MBD5: variants seen among roughly 807,000 people sequenced by gnomAD.
MBD5 encodes methyl-CpG-binding domain protein 5.
Under a neutral mutation model 117.3 loss-of-function variants are expected in MBD5, and 13 were observed. The observed-to-expected ratio is 0.11, with a 90% confidence interval of 0.07 to 0.18. The LOEUF (loss-of-function observed/expected upper bound fraction) is 0.18, where lower values mean the gene tolerates loss of function less well. Ranked by LOEUF, MBD5 falls within the 10% of genes least tolerant of loss-of-function variation. The probability of loss-of-function intolerance (pLI) is 1.00; values close to 1 mark genes in which losing one functional copy is unlikely to be tolerated. For synonymous variants in MBD5, 727 were observed against 766.4 expected, an observed-to-expected ratio of 0.95 and a Z score of 0.85; for missense variants, 1,879 against 2,093.8, an observed-to-expected ratio of 0.90 and a Z score of 2.00.
At chr2:148,209,651 A>G (rs1699372893) in intron 2 of MBD5, among the ~76,000 whole-genome samples, 1 of 151,952 alleles carries the variant, frequency 6.6e-6, no homozygotes, top group Admixed American at 6.6e-5. Flanking sequence ...TAAAGGAAAA[A>G]GATTTAATTG....
chr2:148,064,260 T>G (rs1447007168), intron 1 of MBD5, among the ~76,000 whole-genome samples: 3 of 151,234 alleles, frequency 2.0e-5, no homozygotes, highest in African/African-American at 7.3e-5. Context: ...GGACCACAGG[T>G]GCCCGCCACC....
In MBD5 at chr2:148,271,932, G is replaced by A. The variant is rs534550306; in HGVS notation, c.-680+38537G>A. Among the ~76,000 whole-genome samples, 6 of 152,160 alleles carry A rather than the reference G, an allele frequency of 3.9e-5. No individual in the cohort carries two copies. The East Asian group carries it at 5.8e-4, about 15-fold the overall frequency. On this transcript the variant is annotated intron_variant, in intron 3 of 13. Transcript: ENST00000642680. ...TGAAATTCTGTACCCATCGACCAGC[G>A]TCTGCCCCATCCCTTCCTCCCCTCC... is the stretch of plus-strand genomic sequence containing the variant.
intron 3 of MBD5, among the ~76,000 whole-genome samples, chr2:148,335,410 A>G (rs1702760042): frequency 6.6e-6 from 1 of 152,122 alleles, no homozygotes; most frequent in South Asian, 2.1e-4. Flanking sequence ...TTTAAAAGCT[A>G]GGCAACATAG....
intron 13 of MBD5, chr2:148,512,337 A>G (rs940220204): frequency 1.1e-5 from 2 of 178,230 alleles, no homozygotes; most frequent in African/African-American, 4.8e-5. Flanking sequence ...TCTCTTTTCC[A>G]TTTTGATTCT....
intron 3 of MBD5, among the ~76,000 whole-genome samples, chr2:148,267,211 T>G (rs764871461): frequency 2.0e-5 from 3 of 151,914 alleles, no homozygotes; most frequent in Admixed American, 6.6e-5. Flanking sequence ...AGTAGACAGA[T>G]AAAAAAAGAA....
intron 4 of MBD5, among the ~76,000 whole-genome samples, chr2:148,427,315 G>A (rs1356304177): frequency 6.6e-6 from 1 of 152,152 alleles, no homozygotes; most frequent in Non-Finnish European, 1.5e-5. Context: ...TATACCCAAA[G>A]GATTATAAAT....
intron 1 of MBD5, among the ~76,000 whole-genome samples, chr2:148,151,064 T>A (rs1301704852): frequency 1.4e-5 from 2 of 147,864 alleles, no homozygotes; most frequent in Non-Finnish European, 3.0e-5. Flanking sequence ...TTCAGTATGA[T>A]ATTGGCTGTG....
intron 4 of MBD5, among the ~76,000 whole-genome samples, chr2:148,452,651 A>C (rs1307089476): frequency 6.6e-6 from 1 of 152,228 alleles, no homozygotes; most frequent in Non-Finnish European, 1.5e-5. Context: ...TTTAATTTTT[A>C]TATTGCTACA....
chr2:148,470,174 T>G lies in MBD5; in HGVS notation c.2231T>G (p.Met744Arg), dbSNP rs1334734679. The G allele has an allele frequency of 6.2e-7, 1 of 1,613,996 alleles. No homozygotes were observed. The highest frequency in any genetic ancestry group is 8.5e-7 in the Non-Finnish European group (1 of 1,179,914). ...CAGCTGCATTTTACAGATCCCAGTA[T>G]GAACTCTAGTGTTCTTCAGAACATA... Reference protein sequence around the residue: ...ANQLHFTDPSMNSSVLQNIPL... With the variant: ...ANQLHFTDPSRNSSVLQNIPL... The change falls in exon 8 of 14, where the codon ATG becomes AGG. Residue 744 changes from methionine to arginine, a missense_variant. Physicochemically the swap from Met to Arg is moderately conservative, Grantham distance 91. Around this residue, in one of 4 missense-constraint regions of MBD5, gnomAD observed 1,666 missense variants for 1,792.2 expected, o/e 0.93. Transcript: ENST00000642680.
At chr2:148,446,124 C>G (rs1256015876) in intron 4 of MBD5, among the ~76,000 whole-genome samples, 1 of 151,080 alleles carries the variant, frequency 6.6e-6, no homozygotes, top group East Asian at 1.9e-4. Flanking sequence ...TGTGCACAAG[C>G]TCTTTAGTTT....
intron 1 of MBD5, among the ~76,000 whole-genome samples, chr2:148,090,868 G>A (rs1695924236): frequency 6.6e-6 from 1 of 151,872 alleles, no homozygotes; most frequent in Non-Finnish European, 1.5e-5. Flanking sequence ...GAAATAAAGG[G>A]CATCCAAGAG....
intron 4 of MBD5, among the ~76,000 whole-genome samples, chr2:148,370,108 T>G (rs892239037): frequency 6.6e-6 from 1 of 152,180 alleles, no homozygotes; most frequent in Non-Finnish European, 1.5e-5. Context: ...CATATTAAAT[T>G]GAGAAACATG....
At chr2:148,452,929 A>G (rs1706771866) in intron 4 of MBD5, among the ~76,000 whole-genome samples, 1 of 152,190 alleles carries the variant, frequency 6.6e-6, no homozygotes, top group Non-Finnish European at 1.5e-5. Context: ...CATTTTAGAC[A>G]TGTGTTGCTA....
chr2:148,098,762 G>C (rs1259762950), intron 1 of MBD5, among the ~76,000 whole-genome samples: 1 of 152,040 alleles, frequency 6.6e-6, no homozygotes, highest in African/African-American at 2.4e-5. Flanking sequence ...GGAAGAAGAC[G>C]AAGAGAGGCC....
At chr2:148,327,413 A>T (rs550344420) in intron 3 of MBD5, among the ~76,000 whole-genome samples, 3 of 152,198 alleles carry the variant, frequency 2.0e-5, no homozygotes, top group African/African-American at 7.2e-5. Context: ...GTTCTCCTGG[A>T]TAATATCCTT....
chr2:148,348,328 C>G (rs970465170), intron 4 of MBD5, among the ~76,000 whole-genome samples: 2 of 152,006 alleles, frequency 1.3e-5, no homozygotes, highest in African/African-American at 4.8e-5. Flanking sequence ...ACAATTCCTC[C>G]CTCTTGCAAG....
chr2:148,112,312 A>C (rs1402158591), intron 1 of MBD5, among the ~76,000 whole-genome samples: 1 of 152,202 alleles, frequency 6.6e-6, no homozygotes, highest in Non-Finnish European at 1.5e-5. Context: ...CTATTTCCCA[A>C]GGAATCTCCT....
rs1448127351 is a variant in MBD5 at position 148,021,513 on chromosome 2, A to ACTGCTGCTGCTACTG, written c.-1085_-1084insACTGCTGCTGCTGCT. The ACTGCTGCTGCTACTG allele has an allele frequency of 3.5e-6, 2 of 567,594 alleles. No individual in the cohort carries two copies. The highest frequency in any genetic ancestry group is 4.6e-5 in the East Asian group (1 of 21,952). 35.2% of individuals were successfully genotyped at this position (567,594 alleles called of 1,614,324 possible). A position where few individuals can be genotyped will look rare whatever the true frequency, so the allele number is the denominator to read the frequency against. On this transcript the variant is annotated 5_prime_UTR_variant, in exon 1 of 14. Coordinates refer to ENST00000642680, the MANE Select transcript of MBD5 (RefSeq NM_001378120.1). ...TGCTGCTGCTACTGCTGCTGCTGCT[A>ACTGCTGCTGCTACTG]CTGCTGCTGCTTGGCCCTGGCTGGA... is the stretch of plus-strand genomic sequence containing the variant.
intron 2 of MBD5, among the ~76,000 whole-genome samples, chr2:148,226,575 G>A (rs556006535): frequency 9.9e-4 from 150 of 152,232 alleles, no homozygotes; most frequent in African/African-American, 1.7e-3. Flanking sequence ...ATAAACATAC[G>A]TGTGCATGTG....
Sources: gnomAD v4.1 joint callset for allele counts (sites outside exome capture counted in the v4.1 genomes callset) on GRCh38, gnomAD v4.1.1 for gene constraint, gnomAD v4.1.1 regional missense constraint, MANE v1.5 for transcripts, NCBI Gene and HGNC (gene_info 2026-07-23, HGNC 2026-07-21) for gene names.